Variants in KCNE1 observed in about 807,000 individuals in gnomAD.
KCNE1 encodes the protein potassium voltage-gated channel subfamily E regulatory subunit 1, also known as potassium voltage-gated channel subfamily E member 1.
KCNE1 carries 1 observed loss-of-function variant against 2.9 expected under a neutral mutation model. That is an observed-to-expected ratio of 0.34 (90% CI 0.12 to 1.62). KCNE1 has a LOEUF of 1.62. Among genes scored for constraint, KCNE1 ranks in the 40% most tolerant of loss-of-function variants. KCNE1 has a pLI of 0.36. For missense variants in KCNE1, 45 were observed against 150.5 expected (o/e 0.30, Z 3.67); for synonymous variants, 23 against 65.4 (o/e 0.35, Z 3.13).
chr21:34,511,238 G>T lies in KCNE1; in HGVS notation c.-299C>A. 2.0e-6 allele frequency: 2 copies of T among 985,532 alleles called. No individual in the cohort carries two copies. Among genetic ancestry groups the T allele is most frequent in the Non-Finnish European group, 2.4e-6 (2 of 830,020 alleles). 61.0% of individuals were successfully genotyped at this position (985,532 alleles called of 1,614,324 possible). ...TTCTGGTCTCTTCCTCCTGAGCACG[G>T]TTCTCCTGGTTGAGCTCCAGGCCAT... On this transcript the variant is annotated 5_prime_UTR_variant, in exon 2 of 4. Transcript: ENST00000399286.
chr21:34,503,871 C>T (rs746184645), intron 2 of KCNE1, among the ~76,000 whole-genome samples: 21 of 152,304 alleles, frequency 1.4e-4, no homozygotes, highest in South Asian at 8.3e-4. Flanking sequence ...TGCCACCAAA[C>T]CCTTTTCTTC....
intron 2 of KCNE1, among the ~76,000 whole-genome samples, chr21:34,500,371 C>T (rs915275792): frequency 6.6e-6 from 1 of 152,218 alleles, no homozygotes; most frequent in Non-Finnish European, 1.5e-5. Flanking sequence ...TAAGGCTGTG[C>T]AGCCCAAGTG....
intron 2 of KCNE1, among the ~76,000 whole-genome samples, chr21:34,509,138 C>T (rs540952775): frequency 6.6e-6 from 1 of 152,336 alleles, no homozygotes; most frequent in African/African-American, 2.4e-5. Context: ...AGGGTCTCAC[C>T]AGGTTGAAAT....
At chr21:34,499,056 G>A (rs1024901246) in intron 2 of KCNE1, among the ~76,000 whole-genome samples, 3 of 152,194 alleles carry the variant, frequency 2.0e-5, no homozygotes, top group Admixed American at 6.5e-5. Context: ...GACTCTCCTT[G>A]AGCAAGGCTT....
At chr21:34,503,136 C>A (rs1983268073) in intron 2 of KCNE1, among the ~76,000 whole-genome samples, 1 of 152,244 alleles carries the variant, frequency 6.6e-6, no homozygotes, top group South Asian at 2.1e-4. Flanking sequence ...ACACCAATTG[C>A]AAGCCCTAGG....
intron 2 of KCNE1, among the ~76,000 whole-genome samples, chr21:34,505,635 C>G (rs1264590804): frequency 1.3e-5 from 2 of 152,208 alleles, no homozygotes; most frequent in Non-Finnish European, 2.9e-5. Flanking sequence ...GCAGGCCCAG[C>G]TGACACAGGC....
intron 2 of KCNE1, among the ~76,000 whole-genome samples, chr21:34,497,607 C>T (rs1001843226): frequency 1.3e-5 from 2 of 152,280 alleles, no homozygotes; most frequent in Admixed American, 6.5e-5. Flanking sequence ...CCTCACAGCT[C>T]TTAAGAGTCT....
intron 2 of KCNE1, among the ~76,000 whole-genome samples, chr21:34,498,017 T>C (rs769501341): frequency 9.2e-5 from 14 of 152,210 alleles, no homozygotes; most frequent in Non-Finnish European, 1.9e-4. Flanking sequence ...TAAGTGTGTC[T>C]TCCATTTCCA....
intron 2 of KCNE1, among the ~76,000 whole-genome samples, chr21:34,498,227 A>G (rs1273033518): frequency 4.6e-5 from 7 of 152,208 alleles, no homozygotes; most frequent in Non-Finnish European, 2.9e-5. Flanking sequence ...CTGGGAAGCT[A>G]GTGTGATCTT....
chr21:34,508,822 C>T lies in KCNE1; in HGVS notation c.-162+2279G>A, dbSNP rs539381385. Among the ~76,000 whole-genome samples, 5 of 152,322 alleles carry T rather than the reference C, an allele frequency of 3.3e-5. No homozygotes were observed. In the South Asian group the frequency reaches 1.0e-3, roughly 32 times the overall value. On this transcript the variant is annotated intron_variant, in intron 2 of 3. Coordinates refer to ENST00000399286, the MANE Select transcript of KCNE1 (RefSeq NM_000219.6). ...TGATATGTTCACCCAAGTGTTCTCA[C>T]ACATAGAAGCAGGTGGTTTTCTTTA...
At chr21:34,508,823 A>G (rs889806180) in intron 2 of KCNE1, among the ~76,000 whole-genome samples, 30 of 152,244 alleles carry the variant, frequency 2.0e-4, no homozygotes, top group African/African-American at 7.0e-4. Context: ...GTGTTCTCAC[A>G]CATAGAAGCA....
At chr21:34,496,351 G>C (rs1474771160) in intron 2 of KCNE1, among the ~76,000 whole-genome samples, 1 of 152,164 alleles carries the variant, frequency 6.6e-6, no homozygotes, top group Non-Finnish European at 1.5e-5. Context: ...GGGATTACAG[G>C]AGTGAGCCAC....
chr21:34,508,739 G>A (rs567668821), intron 2 of KCNE1, among the ~76,000 whole-genome samples: 1 of 152,324 alleles, frequency 6.6e-6, no homozygotes, highest in Non-Finnish European at 1.5e-5. Context: ...AGTCATAGAA[G>A]TGAATATAAA....
chr21:34,451,744 A>C (rs1981319285), intron 3 of KCNE1, among the ~76,000 whole-genome samples: 1 of 60,136 alleles, frequency 1.7e-5, no homozygotes, highest in African/African-American at 8.0e-5. Flanking sequence ...TTCTCTTCCT[A>C]CTCTCCTCTC....
At chr21:34,506,835 T>A (rs41312999) in intron 2 of KCNE1, among the ~76,000 whole-genome samples, 484 of 152,278 alleles carry the variant, frequency 3.2e-3, no homozygotes, top group Non-Finnish European at 5.0e-3. Context: ...AGACATGTAG[T>A]TCTGCTTGGT....
chr21:34,511,069 A>C, intron 2 of KCNE1, 32 bp downstream of exon 2: 1 of 880,750 alleles, frequency 1.1e-6, no homozygotes, highest in Non-Finnish European at 1.4e-6. Context: ...TGCCTAACTG[A>C]GGAAAGGGTC....
At chr21:34,499,110 T>A (rs1274702605) in intron 2 of KCNE1, among the ~76,000 whole-genome samples, 1 of 152,146 alleles carries the variant, frequency 6.6e-6, no homozygotes, top group Non-Finnish European at 1.5e-5. Flanking sequence ...CTCAGGCCAA[T>A]GGGGCTATGT....
chr21:34,509,570 C>T (rs1206326930), intron 2 of KCNE1: 1 of 152,322 alleles, frequency 6.6e-6, no homozygotes, highest in Non-Finnish European at 1.5e-5. Flanking sequence ...ATTCTCCTGC[C>T]TCAGCCTCCC....
chr21:34,496,325 G>A (rs966927606), intron 2 of KCNE1, among the ~76,000 whole-genome samples: 4 of 152,064 alleles, frequency 2.6e-5, no homozygotes, highest in East Asian at 1.9e-4. Context: ...CACCCGCCTT[G>A]GCCTCCCAAA....
Sources: allele counts gnomAD v4.1 joint callset (sites outside exome capture counted in the v4.1 genomes callset), GRCh38; gene constraint gnomAD v4.1.1; transcripts MANE v1.5; gene names NCBI Gene and HGNC (gene_info 2026-07-23, HGNC 2026-07-21).